The following ANKS1B variants were observed in gnomAD, a reference collection of about 807,000 sequenced individuals.
The protein encoded by ANKS1B is ankyrin repeat and sterile alpha motif domain containing 1B, also known as ankyrin repeat and sterile alpha motif domain-containing protein 1B.
Under a neutral mutation model 148.3 loss-of-function variants are expected in ANKS1B, and 36 were observed. The ratio of observed to expected loss-of-function variants is 0.24; its 90% CI spans 0.19 to 0.32. The LOEUF (loss-of-function observed/expected upper bound fraction) is 0.32, where lower values mean the gene tolerates loss of function less well. ANKS1B is among the 10% of genes least tolerant of loss of function. The pLI, the probability that ANKS1B is intolerant of heterozygous loss-of-function variation, is 1.00. For synonymous variants in ANKS1B, 542 were observed against 560.8 expected (o/e 0.97, Z 0.47); for missense variants, 1,157 against 1,542.6 (o/e 0.75, Z 4.19).
chr12:99,421,741 G>A (rs993662050), intron 11 of ANKS1B, among the ~76,000 whole-genome samples: 5 of 152,122 alleles, frequency 3.3e-5, no homozygotes, highest in Non-Finnish European at 5.9e-5. Flanking sequence ...ACAAACCCAA[G>A]TGATATAGTT....
chr12:99,293,995 A>G (rs906380431), intron 12 of ANKS1B, among the ~76,000 whole-genome samples: 2 of 152,234 alleles, frequency 1.3e-5, no homozygotes, highest in Admixed American at 6.5e-5. Context: ...ACCCCAGTTT[A>G]AATGATGTTT....
intron 9 of ANKS1B, among the ~76,000 whole-genome samples, chr12:99,632,771 T>TTTTTTTA (rs71088133): frequency 2.0e-5 from 1 of 50,732 alleles, no homozygotes; most frequent in African/African-American, 5.4e-5. Flanking sequence ...ATATATATTT[T>TTTTTTTA]AATTATACTT....
At chr12:99,942,118 T>A (rs1202939426) in intron 1 of ANKS1B, among the ~76,000 whole-genome samples, 1 of 151,930 alleles carries the variant, frequency 6.6e-6, no homozygotes, top group Non-Finnish European at 1.5e-5. Context: ...TTGGAGATGA[T>A]CCATATTTAA....
intron 17 of ANKS1B, among the ~76,000 whole-genome samples, chr12:98,900,985 T>C (rs2099771210): frequency 6.6e-6 from 1 of 152,250 alleles, no homozygotes; most frequent in African/African-American, 2.4e-5. Flanking sequence ...AGTTCTCTTT[T>C]GCTCTCACAG....
chr12:99,609,298 T>C (rs1427575958), intron 9 of ANKS1B, among the ~76,000 whole-genome samples: 1 of 152,012 alleles, frequency 6.6e-6, no homozygotes, highest in Non-Finnish European at 1.5e-5. Context: ...ATTCTGATTT[T>C]TTTCCTTTTC....
intron 12 of ANKS1B, among the ~76,000 whole-genome samples, chr12:99,323,903 A>T (rs2085800658): frequency 6.6e-6 from 1 of 152,078 alleles, no homozygotes; most frequent in African/African-American, 2.4e-5. Context: ...CTTCTTGTAT[A>T]ATATTTTTTT....
intron 10 of ANKS1B, among the ~76,000 whole-genome samples, chr12:99,455,257 C>T (rs962491831): frequency 1.3e-5 from 2 of 152,116 alleles, no homozygotes; most frequent in South Asian, 2.1e-4. Context: ...GCCACTGACT[C>T]TCTATGAAAG....
At chr12:99,793,722 CA>C (rs925216934) in intron 4 of ANKS1B, among the ~76,000 whole-genome samples, 51 of 151,834 alleles carry the variant, frequency 3.4e-4, no homozygotes, top group African/African-American at 1.1e-3. Context: ...AAACTGCTAC[CA>C]AAAAACTTTG....
intron 14 of ANKS1B, among the ~76,000 whole-genome samples, chr12:99,193,646 A>G (rs1004209693): frequency 2.6e-5 from 4 of 151,906 alleles, no homozygotes; most frequent in Non-Finnish European, 5.9e-5. Context: ...TGGGTGAGGA[A>G]AAGATACTTC....
intron 17 of ANKS1B, among the ~76,000 whole-genome samples, chr12:98,902,665 C>G (rs970414672): frequency 2.0e-5 from 3 of 152,182 alleles, no homozygotes; most frequent in Non-Finnish European, 4.4e-5. Flanking sequence ...ACTTGCTTAA[C>G]CTGACTGCAC....
intron 12 of ANKS1B, among the ~76,000 whole-genome samples, chr12:99,260,400 A>G (rs996396561): frequency 3.9e-5 from 6 of 152,236 alleles, no homozygotes; most frequent in Non-Finnish European, 7.4e-5. Context: ...AGTGCATTCA[A>G]ATGTATCCTG....
chr12:98,757,860 C>T (rs542971005), intron 25 of ANKS1B, among the ~76,000 whole-genome samples: 37 of 152,184 alleles, frequency 2.4e-4, no homozygotes, highest in East Asian at 5.8e-4. Flanking sequence ...ACATTTATTA[C>T]GGCGATTGGT....
At chr12:99,769,833 T>C (rs1190033416) in intron 8 of ANKS1B, among the ~76,000 whole-genome samples, 5 of 152,334 alleles carry the variant, frequency 3.3e-5, no homozygotes, top group African/African-American at 1.2e-4. Context: ...ACTCTCATCA[T>C]AAATCATTCT....
intron 17 of ANKS1B, among the ~76,000 whole-genome samples, chr12:98,980,276 C>T (rs2099907464): frequency 6.6e-6 from 1 of 152,360 alleles, no homozygotes; most frequent in South Asian, 2.1e-4. Flanking sequence ...TCTCGGCTCA[C>T]TGCAAGCTCC....
intron 11 of ANKS1B, among the ~76,000 whole-genome samples, chr12:99,405,154 G>A (rs1297121582): frequency 6.9e-6 from 1 of 145,732 alleles, no homozygotes; most frequent in Non-Finnish European, 1.5e-5. Flanking sequence ...AAATGCTAAA[G>A]GGAGTTCTTC....
chr12:99,808,712 C>T (rs2067952672), intron 3 of ANKS1B, among the ~76,000 whole-genome samples: 1 of 152,070 alleles, frequency 6.6e-6, no homozygotes, highest in Non-Finnish European at 1.5e-5. Context: ...TCCTGACCAA[C>T]CCAAATTTCC....
intron 1 of ANKS1B, among the ~76,000 whole-genome samples, chr12:99,830,180 AATAAG>A (rs777509488): frequency 7.9e-5 from 12 of 152,234 alleles, no homozygotes; most frequent in Non-Finnish European, 1.8e-4. Flanking sequence ...CAAAATAATG[AATAAG>A]ATATCATCTC....
At chr12:99,817,222 ATCCCCTTTTTTTTAGC>A (rs2081988735) in intron 2 of ANKS1B, among the ~76,000 whole-genome samples, 1 of 148,192 alleles carries the variant, frequency 6.7e-6, no homozygotes, top group Admixed American at 6.8e-5. Flanking sequence ...CTTCCATGAG[ATCCCCTTTTTTTTAGC>A]TCCCACATAT....
At chr12:99,350,649 G>A (rs1421476151) in intron 12 of ANKS1B, among the ~76,000 whole-genome samples, 1 of 152,030 alleles carries the variant, frequency 6.6e-6, no homozygotes, top group South Asian at 2.1e-4. Flanking sequence ...CAAAGGTACT[G>A]CTTTTTAAAT....
Sources: gnomAD v4.1 joint callset for allele counts (sites outside exome capture counted in the v4.1 genomes callset) on GRCh38, gnomAD v4.1.1 for gene constraint, MANE v1.5 for transcripts, NCBI Gene and HGNC (gene_info 2026-07-23, HGNC 2026-07-21) for gene names.